Variants in CUL1 observed in about 807,000 individuals in gnomAD.
CUL1 encodes the protein cullin 1, also known as cullin-1.
In CUL1, 24 loss-of-function variants were observed where a neutral mutation model predicts 118.0. The ratio of observed to expected loss-of-function variants is 0.20; its 90% CI spans 0.15 to 0.29. The LOEUF (loss-of-function observed/expected upper bound fraction) is 0.29, where lower values mean the gene tolerates loss of function less well. Among genes scored for constraint, CUL1 ranks in the 10% least tolerant of loss-of-function variants. The probability of loss-of-function intolerance (pLI) is 1.00; values close to 1 mark genes in which losing one functional copy is unlikely to be tolerated. For missense variants in CUL1, 361 were observed against 933.8 expected (o/e 0.39, Z 7.99); for synonymous variants, 332 against 340.4 (o/e 0.98, Z 0.27).
At chr7:148,707,159 C>T (rs952299779) in intron 1 of CUL1, among the ~76,000 whole-genome samples, 1 of 152,116 alleles carries the variant, frequency 6.6e-6, no homozygotes, top group African/African-American at 2.4e-5. Flanking sequence ...ATTTTAAAAT[C>T]ATCGAATGTG....
intron 14 of CUL1, 37 bp downstream of exon 14, chr7:148,788,711 C>T (rs750473819): frequency 1.5e-6 from 2 of 1,327,576 alleles, no homozygotes; most frequent in Admixed American, 1.8e-5. Context: ...TGTTTACAGG[C>T]AGAGTTCTCT....
Position 148,797,856 on chromosome 7 carries a change from A to G in CUL1, c.1944A>G (p.Leu648=), listed in dbSNP as rs1298119769. The change falls in exon 18 of 22, where the codon CTA becomes CTG. Residue 648 remains leucine (L), a synonymous_variant. Coordinates refer to ENST00000325222, the MANE Select transcript of CUL1 (RefSeq NM_003592.3). Reference sequence around the variant, plus strand: ...TACAGATTTTATTAAAGTCGAAGCTATTGGTAGGTTTGCGCCCTTTTATCT... The same window carrying G: ...TACAGATTTTATTAAAGTCGAAGCTGTTGGTAGGTTTGCGCCCTTTTATCT... The part of the protein sequence containing the change: ...QVLQILLKSK[L]LVLEDENANV... 5 of 1,613,452 alleles carry G rather than the reference A, an allele frequency of 3.1e-6. No individual in the cohort carries two copies. Among genetic ancestry groups the G allele is most frequent in the African/African-American group, 2.7e-5 (2 of 74,998 alleles).
intron 1 of CUL1, among the ~76,000 whole-genome samples, chr7:148,722,184 T>G (rs1435411394): frequency 1.3e-5 from 2 of 152,174 alleles, no homozygotes; most frequent in Non-Finnish European, 2.9e-5. Flanking sequence ...AAGCAGAAGC[T>G]CTTCCTTCCT....
intron 2 of CUL1, among the ~76,000 whole-genome samples, chr7:148,740,842 A>G (rs1279894387): frequency 6.6e-6 from 1 of 152,236 alleles, no homozygotes; most frequent in Non-Finnish European, 1.5e-5. Context: ...GGACACAGTG[A>G]GAAGGTGGCC....
chr7:148,718,847 G>A (rs547338599), intron 1 of CUL1, among the ~76,000 whole-genome samples: 111 of 152,272 alleles, frequency 7.3e-4, no homozygotes, highest in Non-Finnish European at 1.3e-3. Flanking sequence ...CAGGAACCAG[G>A]CAATGCAAGC....
intron 2 of CUL1, among the ~76,000 whole-genome samples, chr7:148,750,381 T>C (rs1001827761): frequency 2.0e-5 from 3 of 151,692 alleles, no homozygotes; most frequent in African/African-American, 7.3e-5. Flanking sequence ...ACATGTGTCA[T>C]GTTGGTTTGC....
At chr7:148,708,849 C>T (rs74530348) in intron 1 of CUL1, among the ~76,000 whole-genome samples, 254 of 152,236 alleles carry the variant, frequency 1.7e-3, no homozygotes, top group Non-Finnish European at 2.7e-3. Context: ...AACCAATTTG[C>T]GGAAGTTGTG....
At chr7:148,701,906 T>C (rs75553767) in intron 1 of CUL1, among the ~76,000 whole-genome samples, 1 of 152,236 alleles carries the variant, frequency 6.6e-6, no homozygotes, top group Non-Finnish European at 1.5e-5. Flanking sequence ...TGAGTCATTC[T>C]GGAATAAAAT....
At chr7:148,772,289 C>T (rs1963814) in intron 9 of CUL1, among the ~76,000 whole-genome samples, 4,630 of 152,178 alleles carry the variant, frequency 0.03, 245 homozygotes, top group African/African-American at 0.11. Flanking sequence ...TTAGCAGGCA[C>T]CTGTAATCCC....
chr7:148,727,722 T>C (rs533924992), intron 1 of CUL1, among the ~76,000 whole-genome samples: 23 of 151,590 alleles, frequency 1.5e-4, no homozygotes, highest in African/African-American at 5.3e-4. Flanking sequence ...GCAGAAGCAG[T>C]AGCAGATGCA....
chr7:148,756,709 G>A (rs111449890), intron 3 of CUL1, among the ~76,000 whole-genome samples: 17 of 152,182 alleles, frequency 1.1e-4, no homozygotes, highest in Admixed American at 2.6e-4. Context: ...GGAATTACCC[G>A]CATATCAAAT....
intron 5 of CUL1, 54 bp downstream of exon 5, chr7:148,759,408 C>A: frequency 1.3e-6 from 2 of 1,580,880 alleles, no homozygotes; most frequent in Non-Finnish European, 1.7e-6. Context: ...TTCGCAGTTT[C>A]GTTGCTTAGC....
chr7:148,754,064 A>G lies in CUL1; in HGVS notation c.229A>G (p.Thr77Ala). Reference sequence around the variant, plus strand: ...TCCTTCTAAGTCGAAAAAGGGGCAGACACCTGGAGGAGCTCAGTTTGTTGG... The same window carrying G: ...TCCTTCTAAGTCGAAAAAGGGGCAGGCACCTGGAGGAGCTCAGTTTGTTGG... ...VPPSKSKKGQ[T>A]PGGAQFVGLE... Residue 77 changes from threonine (T) to alanine (A), a missense_variant, in exon 3 of 22, where the codon ACA (threonine) becomes GCA (alanine). Thr to Ala is a moderately conservative substitution (Grantham distance 58, BLOSUM62 0). Transcript: ENST00000325222. 6.2e-7 allele frequency: 1 copy of G among 1,614,030 alleles called. No individual in the cohort carries two copies. Among genetic ancestry groups the G allele is most frequent in the Non-Finnish European group, 8.5e-7 (1 of 1,179,910 alleles).
At chr7:148,746,085 G>T (rs1218272138) in intron 2 of CUL1, among the ~76,000 whole-genome samples, 1 of 151,942 alleles carries the variant, frequency 6.6e-6, no homozygotes, top group South Asian at 2.1e-4. Flanking sequence ...GAGGCCCCTT[G>T]CCTGTGTGTG....
intron 6 of CUL1, 131 bp downstream of exon 6, chr7:148,759,769 A>G: frequency 4.0e-6 from 2 of 497,390 alleles, no homozygotes; most frequent in Non-Finnish European, 7.0e-6. Flanking sequence ...GAAGGTACTT[A>G]CATTTCTTTT....
intron 1 of CUL1, among the ~76,000 whole-genome samples, chr7:148,714,717 A>AT (rs59124869): frequency 0.26 from 39,768 of 151,938 alleles, 5,615 homozygotes; most frequent in South Asian, 0.39. Flanking sequence ...AAAGGGACTC[A>AT]TTTTAGAGGG....
In CUL1 at chr7:148,787,835, G is replaced by A. The variant is rs1209437144; in HGVS notation, c.1479+715G>A. Among the ~76,000 whole-genome samples, 1 of 152,228 alleles carries A rather than the reference G, an allele frequency of 6.6e-6. No homozygotes were observed. Among genetic ancestry groups the A allele is most frequent in the Non-Finnish European group, 1.5e-5 (1 of 68,036 alleles). ...TCTGCCACCTCCTTTGCGTGCCTGT[G>A]TGTCGGCGCTGTCGAGTGCTCTTAT... On this transcript the variant is annotated intron_variant, in intron 13 of 21. Transcript: ENST00000325222. This position sits in a 1 kb window ranked among gnomAD's most constrained non-coding sequence, Gnocchi z 5.5.
chr7:148,762,154 G>T (rs1799850847), intron 7 of CUL1, among the ~76,000 whole-genome samples: 1 of 152,136 alleles, frequency 6.6e-6, no homozygotes, highest in Non-Finnish European at 1.5e-5. Flanking sequence ...CCTGACACCT[G>T]CTTGCCCTGT....
At chr7:148,769,928 G>C (rs1339904982) in intron 9 of CUL1, among the ~76,000 whole-genome samples, 1 of 152,124 alleles carries the variant, frequency 6.6e-6, no homozygotes, top group Non-Finnish European at 1.5e-5. Context: ...AGGAAAGATG[G>C]GACGTTAATT....
Sources: gnomAD v4.1 joint callset for allele counts (sites outside exome capture counted in the v4.1 genomes callset) on GRCh38, gnomAD v4.1.1 for gene constraint, Gnocchi (gnomAD v3.1) non-coding constraint, MANE v1.5 for transcripts, NCBI Gene and HGNC (gene_info 2026-07-23, HGNC 2026-07-21) for gene names.